MTPN: variants seen among roughly 807,000 people sequenced by gnomAD.
The protein encoded by MTPN is myotrophin, also known as granule cell differentiation protein.
MTPN carries 2 observed loss-of-function variants against 13.5 expected under a neutral mutation model. That is an observed-to-expected ratio of 0.15 (90% CI 0.06 to 0.47). MTPN has a LOEUF of 0.47. Among genes scored for constraint, MTPN ranks in the 20% least tolerant of loss-of-function variants. The pLI, the probability that MTPN is intolerant of heterozygous loss-of-function variation, is 0.97. For synonymous variants in MTPN, 46 were observed against 51.7 expected, an observed-to-expected ratio of 0.89 and a Z score of 0.48; for missense variants, 79 against 137.9, an observed-to-expected ratio of 0.57 and a Z score of 2.14.
At chr7:135,931,506 C>T (rs1177442286) in intron 3 of MTPN, among the ~76,000 whole-genome samples, 1 of 152,100 alleles carries the variant, frequency 6.6e-6, no homozygotes, top group Non-Finnish European at 1.5e-5. Context: ...TCTATTTCCT[C>T]ATTTTCTAAA....
intron 1 of MTPN, 95 bp downstream of exon 1, chr7:135,976,934 C>G (rs1407030998): frequency 1.7e-6 from 1 of 583,858 alleles, no homozygotes. Flanking sequence ...TCCTCCCGCC[C>G]ACCCCCATCC....
At chr7:135,971,462 CT>C (rs1376765890) in intron 1 of MTPN, among the ~76,000 whole-genome samples, 1 of 152,128 alleles carries the variant, frequency 6.6e-6, no homozygotes, top group Non-Finnish European at 1.5e-5. Flanking sequence ...TAGTACCCCC[CT>C]AGTTTCTGGC....
At chr7:135,959,009 A>ATG (rs1799484575) in intron 1 of MTPN, among the ~76,000 whole-genome samples, 1 of 152,214 alleles carries the variant, frequency 6.6e-6, no homozygotes, top group Admixed American at 6.5e-5. Context: ...CATATTTATA[A>ATG]AATAAAATCT....
intron 3 of MTPN, among the ~76,000 whole-genome samples, chr7:135,937,122 A>C (rs1333734604): frequency 6.6e-6 from 1 of 152,198 alleles, no homozygotes; most frequent in Non-Finnish European, 1.5e-5. Flanking sequence ...AGCATGTAAA[A>C]ATAGGCCAAG....
At chr7:135,958,677 T>C (rs1799479824) in intron 1 of MTPN, among the ~76,000 whole-genome samples, 1 of 152,174 alleles carries the variant, frequency 6.6e-6, no homozygotes, top group Non-Finnish European at 1.5e-5. Flanking sequence ...TTACATTAGG[T>C]TATTACTTGT....
chr7:135,936,448 G>A (rs1432860876), intron 3 of MTPN, among the ~76,000 whole-genome samples: 8 of 152,216 alleles, frequency 5.3e-5, no homozygotes, highest in Non-Finnish European at 4.4e-5. Flanking sequence ...TTGTGCCACT[G>A]CACTCCAGCC....
chr7:135,940,470 C>T (rs1336250957), intron 3 of MTPN, among the ~76,000 whole-genome samples: 1 of 152,106 alleles, frequency 6.6e-6, no homozygotes, highest in African/African-American at 2.4e-5. Context: ...ATTGTTACCT[C>T]CCTTACATTT....
At chr7:135,940,719 T>C (rs1434813479) in intron 3 of MTPN, among the ~76,000 whole-genome samples, 3 of 152,184 alleles carry the variant, frequency 2.0e-5, no homozygotes, top group African/African-American at 7.2e-5. Context: ...CCCAAAATGT[T>C]AGGGACAAGA....
intron 1 of MTPN, among the ~76,000 whole-genome samples, chr7:135,964,253 G>C (rs1004560891): frequency 4.6e-5 from 7 of 151,962 alleles, no homozygotes; most frequent in Admixed American, 3.3e-4. Flanking sequence ...TTAAATAAGG[G>C]AAATAATGTA....
At chr7:135,930,495 C>T (rs988631555) in intron 3 of MTPN, among the ~76,000 whole-genome samples, 14 of 152,126 alleles carry the variant, frequency 9.2e-5, no homozygotes, top group African/African-American at 3.1e-4. Flanking sequence ...GTAAAAACTT[C>T]GCAGTAAATG....
intron 1 of MTPN, among the ~76,000 whole-genome samples, chr7:135,972,231 GCACACACACACACACACACA>G: frequency 8.0e-6 from 1 of 124,718 alleles, no homozygotes; most frequent in Non-Finnish European, 1.7e-5. Flanking sequence ...GCACGCGCGC[GCACACACACACACACACACA>G]CACACACACC....
chr7:135,966,343 C>T (rs1203136393), intron 1 of MTPN, among the ~76,000 whole-genome samples: 1 of 152,088 alleles, frequency 6.6e-6, no homozygotes, highest in African/African-American at 2.4e-5. Context: ...CATTACAATA[C>T]ACAGCAGAGT....
At chr7:135,946,425 A>T (rs1387505222) in intron 3 of MTPN, among the ~76,000 whole-genome samples, 1 of 152,228 alleles carries the variant, frequency 6.6e-6, no homozygotes, top group African/African-American at 2.4e-5. Flanking sequence ...TAGGGTTTTA[A>T]AACGATGTGC....
intron 1 of MTPN, among the ~76,000 whole-genome samples, chr7:135,966,983 G>A (rs1799616714): frequency 6.6e-6 from 1 of 152,114 alleles, no homozygotes; most frequent in African/African-American, 2.4e-5. Flanking sequence ...GGGCTGGAGA[G>A]GGCGGTGAAG....
chr7:135,951,506 C>T lies in MTPN; in HGVS notation c.186+11G>A, dbSNP rs550319432. The T allele has an allele frequency of 1.7e-4, 277 of 1,590,370 alleles. 2 individuals are homozygous for T. In the South Asian group the frequency reaches 3.0e-3, roughly 17 times the overall value. On this transcript the variant is annotated intron_variant, in intron 2 of 3. Coordinates refer to ENST00000393085, the MANE Select transcript of MTPN (RefSeq NM_145808.4). The stretch of plus-strand genomic sequence containing the variant: ...AAAATTTTTTCAAGAATGATCACGT[C>T]CTCTACGTACATTAATATCTGCTCC...
At chr7:135,931,277 A>C (rs915448348) in intron 3 of MTPN, among the ~76,000 whole-genome samples, 1 of 152,154 alleles carries the variant, frequency 6.6e-6, no homozygotes, top group Admixed American at 6.5e-5. Flanking sequence ...CCAACACAAC[A>C]CTATGGGAAG....
intron 3 of MTPN, among the ~76,000 whole-genome samples, chr7:135,933,647 G>C (rs1799064433): frequency 6.6e-6 from 1 of 152,088 alleles, no homozygotes. Context: ...TTTTCTCTCT[G>C]TTGTTCCAAT....
intron 3 of MTPN, among the ~76,000 whole-genome samples, chr7:135,940,317 T>C (rs1584807835): frequency 6.6e-6 from 1 of 152,240 alleles, no homozygotes; most frequent in African/African-American, 2.4e-5. Context: ...ATACATACTT[T>C]GCAATTTTAT....
chr7:135,952,324 G>A (rs1799374424), intron 1 of MTPN, among the ~76,000 whole-genome samples: 1 of 152,122 alleles, frequency 6.6e-6, no homozygotes, highest in Non-Finnish European at 1.5e-5. Context: ...GAGGTATAGT[G>A]CCAGAAAAAT....
Sources: allele counts gnomAD v4.1 joint callset (sites outside exome capture counted in the v4.1 genomes callset), GRCh38; gene constraint gnomAD v4.1.1; transcripts MANE v1.5; gene names NCBI Gene and HGNC (gene_info 2026-07-23, HGNC 2026-07-21).